NPAS3: variants seen among roughly 807,000 people sequenced by gnomAD.
NPAS3 encodes the protein neuronal PAS domain protein 3, also known as neuronal PAS domain-containing protein 3.
A neutral mutation model predicts 73.1 loss-of-function variants in NPAS3; 14 were observed. The observed-to-expected ratio is 0.19, with a 90% CI of 0.13 to 0.30. The LOEUF is 0.30. Ranked by LOEUF, NPAS3 falls within the 10% of genes least tolerant of loss-of-function variation. The pLI, the probability that NPAS3 is intolerant of heterozygous loss-of-function variation, is 1.00. For missense variants in NPAS3, 1,096 were observed against 1,250.0 expected (o/e 0.88, Z 1.86); for synonymous variants, 620 against 541.5 (o/e 1.14, Z -2.01).
intron 4 of NPAS3, among the ~76,000 whole-genome samples, chr14:33,410,833 A>G (rs1336348824): frequency 6.6e-6 from 1 of 152,154 alleles, no homozygotes; most frequent in Non-Finnish European, 1.5e-5. Flanking sequence ...TTTAGTAGAG[A>G]CAGGATTTCA....
intron 1 of NPAS3, among the ~76,000 whole-genome samples, chr14:33,029,911 T>C (rs896411455): frequency 6.6e-6 from 1 of 152,204 alleles, no homozygotes; most frequent in African/African-American, 2.4e-5. Flanking sequence ...TGTGTACTTG[T>C]TGATATTGTT....
chr14:33,131,570 G>A (rs984375614), intron 2 of NPAS3, among the ~76,000 whole-genome samples: 1 of 152,140 alleles, frequency 6.6e-6, no homozygotes, highest in Non-Finnish European at 1.5e-5. Flanking sequence ...AGATACATTT[G>A]TAGAGAGAAA....
At chr14:33,613,536 A>G (rs938956487) in intron 5 of NPAS3, among the ~76,000 whole-genome samples, 1 of 151,968 alleles carries the variant, frequency 6.6e-6, no homozygotes, top group South Asian at 2.1e-4. Context: ...TCTTCTCTTC[A>G]TTGGTGCTAC....
chr14:33,394,575 T>C (rs76324600), intron 4 of NPAS3, among the ~76,000 whole-genome samples: 3,804 of 152,248 alleles, frequency 0.025, 151 homozygotes, highest in African/African-American at 0.086. Flanking sequence ...TAGCTAGAAC[T>C]TTTTTAGCTA....
intron 4 of NPAS3, among the ~76,000 whole-genome samples, chr14:33,517,822 A>G (rs1306783335): frequency 6.6e-6 from 1 of 151,970 alleles, no homozygotes; most frequent in Non-Finnish European, 1.5e-5. Context: ...GAAGCTGTTT[A>G]TTTTCCATTG....
chr14:33,274,726 C>G (rs1312289590), intron 3 of NPAS3, among the ~76,000 whole-genome samples: 1 of 152,140 alleles, frequency 6.6e-6, no homozygotes, highest in Non-Finnish European at 1.5e-5. Flanking sequence ...GTTCTCCCAG[C>G]TGGCCAGGAA....
At chr14:33,482,194 G>A (rs755677077) in intron 4 of NPAS3, among the ~76,000 whole-genome samples, 2 of 152,094 alleles carry the variant, frequency 1.3e-5, no homozygotes, top group Non-Finnish European at 2.9e-5. Flanking sequence ...CCAAAGGTGA[G>A]TAATGAGTCT....
intron 4 of NPAS3, among the ~76,000 whole-genome samples, chr14:33,450,210 G>A (rs2049726762): frequency 6.6e-6 from 1 of 152,156 alleles, no homozygotes; most frequent in South Asian, 2.1e-4. Context: ...CATATACATT[G>A]TTGTTGCTAA....
At chr14:33,195,499 C>A (rs1228238162) in intron 2 of NPAS3, among the ~76,000 whole-genome samples, 1 of 152,076 alleles carries the variant, frequency 6.6e-6, no homozygotes, top group Admixed American at 6.5e-5. Context: ...GAACTCCTGA[C>A]CTTGTGATCC....
rs574200358 is a variant in NPAS3, at chr14:33,068,050, C to T, written c.140+12056C>T. Among the ~76,000 whole-genome samples the T allele has an allele frequency of 9.3e-4, 141 of 152,312 alleles. 2 individuals carry two copies. Among genetic ancestry groups the T allele is most frequent in the Admixed American group, 8.2e-3 (125 of 15,304 alleles). ...TAGTGTTCTTATCTCCTATCTTACT[C>T]AGTTTGGTTCAGATAAATACTTGAG... On this transcript the variant is annotated intron_variant, in intron 2 of 11. Coordinates refer to ENST00000356141, the Ensembl canonical transcript of NPAS3.
intron 3 of NPAS3, among the ~76,000 whole-genome samples, chr14:33,271,693 T>C (rs1226633467): frequency 1.3e-5 from 2 of 152,190 alleles, no homozygotes; most frequent in African/African-American, 2.4e-5. Flanking sequence ...TGCTCTACCA[T>C]CTGGTTCCAC....
At chr14:33,716,936 A>G (rs998840011) in intron 6 of NPAS3, among the ~76,000 whole-genome samples, 9 of 151,996 alleles carry the variant, frequency 5.9e-5, no homozygotes, top group African/African-American at 1.9e-4. Flanking sequence ...TTTTAATTCA[A>G]TCTTTTGAAA....
At chr14:33,307,107 C>A (rs1162826228) in intron 3 of NPAS3, among the ~76,000 whole-genome samples, 1 of 152,162 alleles carries the variant, frequency 6.6e-6, no homozygotes, top group Non-Finnish European at 1.5e-5. Context: ...TGTGCCTGGG[C>A]TTTGTCCAGC....
intron 4 of NPAS3, among the ~76,000 whole-genome samples, chr14:33,414,181 G>A (rs1209215408): frequency 6.6e-6 from 1 of 152,116 alleles, no homozygotes; most frequent in Non-Finnish European, 1.5e-5. Context: ...GGAAGGAACG[G>A]AGGCATGAGA....
intron 2 of NPAS3, among the ~76,000 whole-genome samples, chr14:33,072,744 A>T (rs6571577): frequency 1.3e-5 from 2 of 151,958 alleles, no homozygotes; most frequent in Admixed American, 6.6e-5. Context: ...GAACCTGCCC[A>T]CATAGCCTGG....
intron 2 of NPAS3, among the ~76,000 whole-genome samples, chr14:33,103,570 A>G (rs929851646): frequency 6.6e-6 from 1 of 152,176 alleles, no homozygotes; most frequent in Non-Finnish European, 1.5e-5. Context: ...CCAAAGAGCA[A>G]TTGGCAAGAT....
chr14:32,958,787 G>A (rs2036785054), intron 1 of NPAS3, among the ~76,000 whole-genome samples: 1 of 152,154 alleles, frequency 6.6e-6, no homozygotes. Flanking sequence ...TACATGAAAT[G>A]AGTGAGTGGG....
chr14:33,372,987 C>T (rs28394715), intron 4 of NPAS3, among the ~76,000 whole-genome samples: 44,028 of 151,800 alleles, frequency 0.29, 6,817 homozygotes, highest in South Asian at 0.41. Flanking sequence ...TGAAAAAGTA[C>T]GCATGTTATT....
intron 1 of NPAS3, among the ~76,000 whole-genome samples, chr14:32,994,432 T>G (rs937919172): frequency 2.0e-5 from 3 of 152,146 alleles, no homozygotes; most frequent in African/African-American, 7.2e-5. Context: ...AATAACATAC[T>G]GAACTTTTGT....
Sources: allele counts gnomAD v4.1 joint callset (sites outside exome capture counted in the v4.1 genomes callset), GRCh38; gene constraint gnomAD v4.1.1; transcripts MANE v1.5; gene names NCBI Gene and HGNC (gene_info 2026-07-23, HGNC 2026-07-21).